Variants in DAB1 observed in about 807,000 individuals in gnomAD.
DAB1 encodes DAB adaptor protein 1, also known as disabled homolog 1.
Under a neutral mutation model 64.6 loss-of-function variants are expected in DAB1, and 15 were observed. That is an observed-to-expected ratio of 0.23 (90% CI 0.16 to 0.36). DAB1 has a LOEUF of 0.36. DAB1 is among the 10% of genes least tolerant of loss of function. DAB1 has a pLI of 1.00. For synonymous variants in DAB1, 235 were observed against 251.9 expected, an observed-to-expected ratio of 0.93 and a Z score of 0.64; for missense variants, 596 against 706.7, an observed-to-expected ratio of 0.84 and a Z score of 1.78.
chr1:57,334,457 T>C (rs952064747), intron 1 of DAB1, among the ~76,000 whole-genome samples: 2 of 152,230 alleles, frequency 1.3e-5, no homozygotes, highest in Admixed American at 6.5e-5. Flanking sequence ...GGATTCCTGA[T>C]ATAACGTCTT....
chr1:58,194,863 C>T (rs1320959669), intron 4 of DAB1, among the ~76,000 whole-genome samples: 1 of 152,172 alleles, frequency 6.6e-6, no homozygotes, highest in East Asian at 1.9e-4. Context: ...TGGAATACAT[C>T]CTGATTATTG....
chr1:57,573,766 C>T (rs1474980568), intron 7 of DAB1, among the ~76,000 whole-genome samples: 1 of 152,188 alleles, frequency 6.6e-6, no homozygotes, highest in Non-Finnish European at 1.5e-5. Flanking sequence ...AGTCATCCCA[C>T]CTCTGTTCAC....
At chr1:57,525,520 A>G (rs1480296206) in intron 7 of DAB1, among the ~76,000 whole-genome samples, 1 of 152,230 alleles carries the variant, frequency 6.6e-6, no homozygotes, top group African/African-American at 2.4e-5. Flanking sequence ...TGACATACAA[A>G]CTGGGGCTCT....
chr1:57,376,612 C>CA (rs1317686411), intron 1 of DAB1, among the ~76,000 whole-genome samples: 1 of 152,106 alleles, frequency 6.6e-6, no homozygotes, highest in African/African-American at 2.4e-5. Context: ...ATGTTTGTTT[C>CA]CAGCTACCTG....
intron 6 of DAB1, among the ~76,000 whole-genome samples, chr1:57,772,599 T>C (rs1029806106): frequency 6.6e-6 from 1 of 152,130 alleles, no homozygotes; most frequent in Non-Finnish European, 1.5e-5. Context: ...AGAAATTGGC[T>C]GATATCCAAA....
Position 57,095,883 on chromosome 1 carries a change from T to C in DAB1, c.307-23469A>G, listed in dbSNP as rs185539193. On this transcript the variant is annotated intron_variant, in intron 4 of 14. Transcript: ENST00000371236. ...ATTTGTTAAATAAGTGACATAAAAGTGCTCAGAAAAGTTATTGCAAATATG... is the reference window on the plus strand; with the variant it reads ...ATTTGTTAAATAAGTGACATAAAAGCGCTCAGAAAAGTTATTGCAAATATG... 2.8e-3 allele frequency among the ~76,000 whole-genome samples: 421 copies of C among 152,328 alleles called. 2 individuals are homozygous for C. Among genetic ancestry groups the C allele is most frequent in the African/African-American group, 9.8e-3 (406 of 41,578 alleles).
intron 4 of DAB1, among the ~76,000 whole-genome samples, chr1:58,253,966 T>C (rs1487229774): frequency 6.6e-6 from 1 of 152,164 alleles, no homozygotes; most frequent in Admixed American, 6.5e-5. Flanking sequence ...TGAAAATAAT[T>C]TGTAAAGCAC....
At chr1:58,451,353 A>G (rs1162315416) in intron 3 of DAB1, among the ~76,000 whole-genome samples, 1 of 152,350 alleles carries the variant, frequency 6.6e-6, no homozygotes, top group East Asian at 1.9e-4. Flanking sequence ...TTAGTCTCCC[A>G]AAGTGCTGGG....
At chr1:58,176,760 A>G (rs571718687) in intron 4 of DAB1, among the ~76,000 whole-genome samples, 5 of 152,242 alleles carry the variant, frequency 3.3e-5, no homozygotes, top group African/African-American at 1.2e-4. Context: ...CAGGCAGATC[A>G]CAAGGTCAGG....
At chr1:58,353,299 G>A (rs1393349769) in intron 3 of DAB1, among the ~76,000 whole-genome samples, 1 of 152,186 alleles carries the variant, frequency 6.6e-6, no homozygotes, top group African/African-American at 2.4e-5. Flanking sequence ...CACGGTTACT[G>A]TTTTGAGTTG....
chr1:57,023,813 C>T (rs746243706), intron 10 of DAB1, among the ~76,000 whole-genome samples, 174 bp from the exon 11 acceptor site: 7 of 152,182 alleles, frequency 4.6e-5, no homozygotes, highest in Non-Finnish European at 8.8e-5. Context: ...TGGGAAATGA[C>T]ACCTCCAGAG....
intron 4 of DAB1, among the ~76,000 whole-genome samples, chr1:58,263,392 T>C (rs543649): frequency 0.95 from 144,243 of 152,262 alleles, 68,330 homozygotes; most frequent in East Asian, 0.98. Flanking sequence ...GAATCACTTC[T>C]AGTGATCCTT....
At chr1:57,795,347 C>T (rs1257752693) in intron 6 of DAB1, among the ~76,000 whole-genome samples, 2 of 151,824 alleles carry the variant, frequency 1.3e-5, no homozygotes, top group African/African-American at 4.8e-5. Flanking sequence ...CTTTTTATAC[C>T]TATTTACACC....
At chr1:57,694,333 G>A (rs1489640196) in intron 6 of DAB1, among the ~76,000 whole-genome samples, 2 of 152,184 alleles carry the variant, frequency 1.3e-5, no homozygotes, top group Non-Finnish European at 1.5e-5. Context: ...GGAGTCAAGA[G>A]AGACTGGCTC....
At chr1:57,362,794 AC>A (rs1236648682) in intron 1 of DAB1, among the ~76,000 whole-genome samples, 1 of 152,108 alleles carries the variant, frequency 6.6e-6, no homozygotes, top group African/African-American at 2.4e-5. Flanking sequence ...AGATTAAGAC[AC>A]CCACCCAAAA....
intron 7 of DAB1, among the ~76,000 whole-genome samples, chr1:57,517,674 C>A (rs1470720501): frequency 6.6e-6 from 1 of 152,204 alleles, no homozygotes; most frequent in East Asian, 1.9e-4. Context: ...AAATAAGCCA[C>A]TAACTAGAAC....
chr1:57,640,866 G>A (rs1433419935), intron 7 of DAB1, among the ~76,000 whole-genome samples: 1 of 152,174 alleles, frequency 6.6e-6, no homozygotes, highest in Non-Finnish European at 1.5e-5. Context: ...GGGCATGCAA[G>A]CTCAGGAAAG....
chr1:57,049,450 CAAAAAAAA>C (rs574438911), intron 9 of DAB1, among the ~76,000 whole-genome samples: 33 of 24,586 alleles, frequency 1.3e-3, no homozygotes, highest in South Asian at 5.2e-3. Flanking sequence ...GACTCCGTCT[CAAAAAAAA>C]AAAAAAAAAA....
chr1:57,437,333 A>G (rs1212231242), intron 7 of DAB1, among the ~76,000 whole-genome samples: 2 of 152,198 alleles, frequency 1.3e-5, no homozygotes, highest in Non-Finnish European at 2.9e-5. Flanking sequence ...GATTGAATTC[A>G]CAGAAAAACC....
Sources: allele counts gnomAD v4.1 joint callset (sites outside exome capture counted in the v4.1 genomes callset), GRCh38; gene constraint gnomAD v4.1.1; transcripts MANE v1.5; gene names NCBI Gene and HGNC (gene_info 2026-07-23, HGNC 2026-07-21).